Variants in DEK observed in about 807,000 individuals in gnomAD.
DEK encodes the protein DEK proto-oncogene.
A neutral mutation model predicts 46.8 loss-of-function variants in DEK; 28 were observed. The ratio of observed to expected loss-of-function variants is 0.60; its 90% CI spans 0.44 to 0.82. The LOEUF is 0.82. Ranked by LOEUF, DEK falls within the 40% of genes least tolerant of loss-of-function variation. The pLI is 0.00. For missense variants in DEK, 416 were observed against 430.6 expected (o/e 0.97, Z 0.30); for synonymous variants, 160 against 144.5 (o/e 1.11, Z -0.77).
intron 6 of DEK, among the ~76,000 whole-genome samples, chr6:18,252,554 A>G (rs1420802856): frequency 6.7e-6 from 1 of 148,660 alleles, no homozygotes. Context: ...CCTGAGCTCG[A>G]TACTATCAGA....
chr6:18,229,208 A>G (rs552971165), intron 9 of DEK, among the ~76,000 whole-genome samples: 463 of 152,320 alleles, frequency 3.0e-3, no homozygotes, highest in Non-Finnish European at 5.4e-3. Context: ...CAAAAAGAAC[A>G]TCCACACCAA....
intron 4 of DEK, 67 bp downstream of exon 4, chr6:18,257,886 C>G: frequency 8.4e-7 from 1 of 1,184,988 alleles, no homozygotes; most frequent in Non-Finnish European, 1.2e-6. Context: ...GGATCACTAA[C>G]ATTTACAGAA....
chr6:18,264,430 G>A lies in DEK; in HGVS notation c.-55C>T, dbSNP rs1288729389. The A allele has an allele frequency of 1.1e-5, 3 of 274,072 alleles. No homozygotes were observed. The highest frequency in any genetic ancestry group is 2.2e-5 in the Non-Finnish European group (3 of 133,406). 17.0% of individuals were successfully genotyped at this position (274,072 alleles called of 1,614,324 possible). ...GGCCTGGCACGCGAGGGCACGAGGA[G>A]GTTCTGGGAGGCGGCGGCGGCCGAC... On this transcript the variant is annotated 5_prime_UTR_variant, in exon 1 of 11. Coordinates refer to ENST00000652689, the MANE Select transcript of DEK (RefSeq NM_003472.4).
At chr6:18,261,233 G>T (rs1334949258) in intron 2 of DEK, among the ~76,000 whole-genome samples, 2 of 151,912 alleles carry the variant, frequency 1.3e-5, no homozygotes, top group African/African-American at 4.9e-5. Context: ...TGCAGTAAAA[G>T]GAGATAATTT....
intron 9 of DEK, among the ~76,000 whole-genome samples, chr6:18,233,392 A>C (rs1790495995): frequency 6.6e-6 from 1 of 152,232 alleles, no homozygotes. Flanking sequence ...AGCAAAAGAA[A>C]CTACCATCAG....
chr6:18,257,468 T>C (rs561577660), intron 4 of DEK, among the ~76,000 whole-genome samples: 1 of 152,122 alleles, frequency 6.6e-6, no homozygotes, highest in Non-Finnish European at 1.5e-5. Flanking sequence ...TCCCAACACT[T>C]TGGGAGGCCA....
chr6:18,227,988 T>C (rs1034961524), intron 9 of DEK, among the ~76,000 whole-genome samples: 1 of 152,152 alleles, frequency 6.6e-6, no homozygotes, highest in African/African-American at 2.4e-5. Flanking sequence ...CTCCTAAAAT[T>C]TGACTAAATT....
intron 6 of DEK, among the ~76,000 whole-genome samples, chr6:18,250,921 C>G (rs1479927154): frequency 6.6e-6 from 1 of 152,080 alleles, no homozygotes; most frequent in East Asian, 1.9e-4. Context: ...TCACTGATGC[C>G]TATAAGTATA....
intron 7 of DEK, among the ~76,000 whole-genome samples, chr6:18,240,701 A>G (rs1409622215): frequency 2.0e-5 from 3 of 152,204 alleles, no homozygotes; most frequent in Non-Finnish European, 4.4e-5. Flanking sequence ...CAATCCTGTA[A>G]TCCCAACACT....
chr6:18,250,972 GC>G (rs1433617563), intron 6 of DEK, among the ~76,000 whole-genome samples: 1 of 151,862 alleles, frequency 6.6e-6, no homozygotes, highest in Non-Finnish European at 1.5e-5. Context: ...CTAAGAATAT[GC>G]TGCTATTATT....
intron 6 of DEK, among the ~76,000 whole-genome samples, chr6:18,253,005 G>C (rs1791455471): frequency 1.3e-5 from 2 of 152,240 alleles, no homozygotes; most frequent in Admixed American, 6.5e-5. Flanking sequence ...CATAAATATG[G>C]CTACAACTGA....
At position 18,225,660 on chromosome 6, in the gene DEK, A is replaced by G; in HGVS notation, c.*59T>C. 1.3e-6 allele frequency: 2 copies of G among 1,573,382 alleles called. No individual in the cohort carries two copies. Among genetic ancestry groups the G allele is most frequent in the South Asian group, 1.1e-5 (1 of 87,508 alleles). On this transcript the variant is annotated 3_prime_UTR_variant, in exon 11 of 11. Coordinates refer to ENST00000652689, the MANE Select transcript of DEK (RefSeq NM_003472.4). ...GGAAATACATTCTCTTTGCTGGTAT[A>G]ATGGTATAAATCAGATCTTCAAATC...
chr6:18,244,618 G>C, intron 7 of DEK: 1 of 1,244,600 alleles, frequency 8.0e-7, no homozygotes. Flanking sequence ...GTGAACAGAT[G>C]AACAAAATAA....
rs1221822409 is a variant in DEK at position 18,250,428 on chromosome 6, C to T, written c.574-589G>A. Among the ~76,000 whole-genome samples the T allele has an allele frequency of 5.9e-5, 9 of 152,234 alleles. No homozygotes were observed. In the East Asian group the frequency reaches 1.7e-3, roughly 29 times the overall value. ...AGTTTGCAGTGAGCCGAGATCGCGC[C>T]ACTGCAGTCCAGCCTGGGCAACAGT... On this transcript the variant is annotated intron_variant, in intron 6 of 10. Transcript: ENST00000652689.
chr6:18,255,998 T>C (rs1344012272), intron 5 of DEK, 147 bp from the exon 6 acceptor site: 5 of 1,029,442 alleles, frequency 4.9e-6, no homozygotes, highest in Non-Finnish European at 5.3e-6. Context: ...TTTTTCTTTT[T>C]TTTTTTTTGA....
Position 18,264,511 on chromosome 6 carries a change from G to C in DEK, c.-136C>G, listed in dbSNP as rs907093097. On this transcript the variant is annotated 5_prime_UTR_variant, in exon 1 of 11. Transcript: ENST00000652689. The stretch of plus-strand genomic sequence containing the variant: ...GGCGTGACGCTCGCGCCGCGCGCTC[G>C]GCTCCCCAGAATCAACAAGATTTTC... 3.7e-5 allele frequency: 9 copies of C among 243,730 alleles called. No homozygotes were observed. The highest frequency in any genetic ancestry group is 3.1e-4 in the Admixed American group (7 of 22,900). 15.1% of individuals were successfully genotyped at this position (243,730 alleles called of 1,614,324 possible).
At chr6:18,260,069 T>C (rs971031820) in intron 2 of DEK, among the ~76,000 whole-genome samples, 1 of 152,202 alleles carries the variant, frequency 6.6e-6, no homozygotes, top group African/African-American at 2.4e-5. Context: ...TCAGTATCTG[T>C]GAGGGATTGG....
At chr6:18,255,382 G>A (rs910606720) in intron 6 of DEK, among the ~76,000 whole-genome samples, 3 of 152,096 alleles carry the variant, frequency 2.0e-5, no homozygotes, top group Non-Finnish European at 2.9e-5. Context: ...ATTACAGGTT[G>A]CACCCCTTCC....
intron 9 of DEK, among the ~76,000 whole-genome samples, chr6:18,227,324 G>A (rs1000493317): frequency 6.6e-6 from 1 of 152,180 alleles, no homozygotes; most frequent in East Asian, 1.9e-4. Context: ...AACGCCTTAG[G>A]GCTGGAGGTG....
Sources: gnomAD v4.1 joint callset for allele counts (sites outside exome capture counted in the v4.1 genomes callset) on GRCh38, gnomAD v4.1.1 for gene constraint, MANE v1.5 for transcripts, NCBI Gene and HGNC (gene_info 2026-07-23, HGNC 2026-07-21) for gene names.